The following NXPE2 variants were observed in gnomAD, a reference collection of about 807,000 sequenced individuals.
NXPE2 encodes the protein neurexophilin and PC-esterase domain family member 2.
NXPE2 carries 34 observed loss-of-function variants against 34.4 expected under a neutral mutation model. The ratio of observed to expected loss-of-function variants is 0.99; its 90% CI spans 0.75 to 1.31. The LOEUF is 1.31. Ranked by LOEUF, NXPE2 falls within the 40% of genes most tolerant of loss-of-function variation. The probability of loss-of-function intolerance (pLI) is 0.00; values close to 1 mark genes in which losing one functional copy is unlikely to be tolerated. For synonymous variants in NXPE2, 235 were observed against 231.3 expected (o/e 1.02, Z -0.15); for missense variants, 649 against 672.5 (o/e 0.97, Z 0.39).
chr11:114,631,684 G>T, the NXPE2 span, among the ~76,000 whole-genome samples: 1 of 150,942 alleles, frequency 6.6e-6, no homozygotes. Flanking sequence ...TATAAAAAAA[G>T]TATTGCCTCG....
At chr11:114,626,434 C>T in the NXPE2 span, among the ~76,000 whole-genome samples, 9 of 151,270 alleles carry the variant, frequency 5.9e-5, no homozygotes, top group Non-Finnish European at 1.0e-4. Context: ...CTCACGTGGC[C>T]GGGTACTCCA....
the NXPE2 span, among the ~76,000 whole-genome samples, chr11:114,630,652 CA>C: frequency 2.0e-5 from 3 of 150,882 alleles, no homozygotes; most frequent in Non-Finnish European, 4.4e-5. Context: ...GCAATGGCAA[CA>C]AAAGCCAAAA....
the NXPE2 span, among the ~76,000 whole-genome samples, chr11:114,555,058 C>T: frequency 6.6e-6 from 1 of 150,932 alleles, no homozygotes; most frequent in Non-Finnish European, 1.5e-5. Context: ...TTTTTCATGG[C>T]AGTCCAGCCT....
the NXPE2 span, among the ~76,000 whole-genome samples, chr11:114,786,982 G>A: frequency 6.6e-6 from 1 of 152,136 alleles, no homozygotes; most frequent in African/African-American, 2.4e-5. Context: ...TGGGAGTGGT[G>A]CATATTGCCT....
chr11:114,515,258 A>T, the NXPE2 span, among the ~76,000 whole-genome samples: 6 of 152,102 alleles, frequency 3.9e-5, no homozygotes, highest in African/African-American at 9.7e-5. Context: ...TTGGATTTTT[A>T]AAAAAGTTGA....
chr11:114,533,461 C>T, the NXPE2 span, among the ~76,000 whole-genome samples: 7 of 152,086 alleles, frequency 4.6e-5, no homozygotes, highest in East Asian at 1.9e-4. Flanking sequence ...TGCAGCACAC[C>T]GTGCATGAGC....
the NXPE2 span, among the ~76,000 whole-genome samples, chr11:114,755,132 A>G: frequency 6.6e-6 from 1 of 152,190 alleles, no homozygotes; most frequent in Non-Finnish European, 1.5e-5. Flanking sequence ...GTGTTTTGCT[A>G]TGAAGAGGAG....
chr11:114,535,109 A>G, the NXPE2 span, among the ~76,000 whole-genome samples: 1 of 152,378 alleles, frequency 6.6e-6, no homozygotes, highest in African/African-American at 2.4e-5. Flanking sequence ...GAGCCAGAAG[A>G]GAGTGGGGAC....
At chr11:114,700,164 A>G (rs1951338538) in intron 3 of NXPE2, among the ~76,000 whole-genome samples, 2 of 152,206 alleles carry the variant, frequency 1.3e-5, no homozygotes, top group African/African-American at 4.8e-5. Context: ...AGGAATTAAC[A>G]TTCTAGTGGG....
At chr11:114,722,576 G>A in the NXPE2 span, among the ~76,000 whole-genome samples, 1 of 152,138 alleles carries the variant, frequency 6.6e-6, no homozygotes, top group Non-Finnish European at 1.5e-5. Flanking sequence ...GAGACAAAAT[G>A]TAACTTTGAA....
At chr11:114,700,916 G>C (rs1951354008) in intron 3 of NXPE2, among the ~76,000 whole-genome samples, 1 of 151,876 alleles carries the variant, frequency 6.6e-6, no homozygotes, top group South Asian at 2.1e-4. Context: ...GTCTTCAGAG[G>C]GCAAATTTCC....
the NXPE2 span, chr11:114,554,442 C>G: frequency 1.1e-6 from 1 of 918,362 alleles, no homozygotes; most frequent in South Asian, 5.0e-5. Context: ...GACATGGGCC[C>G]TTTGATAATC....
the NXPE2 span, among the ~76,000 whole-genome samples, chr11:114,471,409 A>G: frequency 1.1e-4 from 17 of 152,328 alleles, no homozygotes; most frequent in East Asian, 2.9e-3. Flanking sequence ...CAGATCAAGT[A>G]TGCAAAAACA....
chr11:114,581,256 A>G, the NXPE2 span, among the ~76,000 whole-genome samples: 1 of 152,162 alleles, frequency 6.6e-6, no homozygotes, highest in Non-Finnish European at 1.5e-5. Context: ...TGCAAGTTCT[A>G]TTTTTTATGC....
At chr11:114,555,436 A>C in the NXPE2 span, among the ~76,000 whole-genome samples, 3 of 152,244 alleles carry the variant, frequency 2.0e-5, no homozygotes, top group Non-Finnish European at 4.4e-5. Context: ...CATGTTGGCC[A>C]GGATGGTCTC....
the NXPE2 span, among the ~76,000 whole-genome samples, chr11:114,485,999 G>T: frequency 6.6e-6 from 1 of 152,120 alleles, no homozygotes; most frequent in Non-Finnish European, 1.5e-5. Context: ...ATTTTTGGGG[G>T]TATATGCTTA....
At chr11:114,808,605 A>G in the NXPE2 span, among the ~76,000 whole-genome samples, 1 of 111,652 alleles carries the variant, frequency 9.0e-6, no homozygotes, top group African/African-American at 3.2e-5. Flanking sequence ...AGAAATGGAT[A>G]AATTCCTCGA....
chr11:114,800,047 G>A, the NXPE2 span, among the ~76,000 whole-genome samples: 8 of 152,046 alleles, frequency 5.3e-5, no homozygotes, highest in East Asian at 1.3e-3. Context: ...TGTGACTTCC[G>A]GCTATTTGGA....
chr11:114,528,013 G>A, the NXPE2 span: 2 of 662,086 alleles, frequency 3.0e-6, no homozygotes, highest in Non-Finnish European at 5.0e-6. Flanking sequence ...ACTGGAAGCT[G>A]TTATTATTGT....
Sources: gnomAD v4.1 joint callset for allele counts (sites outside exome capture counted in the v4.1 genomes callset) on GRCh38, gnomAD v4.1.1 for gene constraint, MANE v1.5 for transcripts, NCBI Gene and HGNC (gene_info 2026-07-23, HGNC 2026-07-21) for gene names.